The following STIM1 variants were observed in gnomAD, a reference collection of about 807,000 sequenced individuals.
STIM1 encodes the protein stromal interaction molecule 1.
Under a neutral mutation model 74.7 loss-of-function variants are expected in STIM1, and 25 were observed. The observed-to-expected ratio is 0.33, with a 90% confidence interval of 0.24 to 0.47. The LOEUF is 0.47. Ranked by LOEUF, STIM1 falls within the 20% of genes least tolerant of loss-of-function variation. The pLI is 1.00. For synonymous variants in STIM1, 328 were observed against 348.8 expected (o/e 0.94, Z 0.66); for missense variants, 728 against 920.8 (o/e 0.79, Z 2.71).
chr11:3,919,816 G>T (rs752922137), intron 1 of STIM1, among the ~76,000 whole-genome samples: 4 of 152,088 alleles, frequency 2.6e-5, no homozygotes, highest in Non-Finnish European at 5.9e-5. Flanking sequence ...GGTGGTACAG[G>T]CCTGTAATCC....
chr11:4,020,871 G>A (rs566753297), intron 2 of STIM1, among the ~76,000 whole-genome samples: 1 of 151,966 alleles, frequency 6.6e-6, no homozygotes, highest in South Asian at 2.1e-4. Flanking sequence ...CCAAAGTGCC[G>A]TGATTACAGG....
chr11:3,873,895 C>CTTGAGCATATCTAAT (rs1419856555), intron 1 of STIM1, among the ~76,000 whole-genome samples: 2 of 152,092 alleles, frequency 1.3e-5, no homozygotes, highest in Non-Finnish European at 2.9e-5. Flanking sequence ...ATTGGCTGAA[C>CTTGAGCATATCTAAT]TGTGTGAAGG....
intron 2 of STIM1, among the ~76,000 whole-genome samples, chr11:3,980,878 C>T (rs1477773652): frequency 4.6e-5 from 7 of 152,194 alleles, no homozygotes; most frequent in African/African-American, 1.7e-4. Flanking sequence ...AAACCTTTCC[C>T]CTTCCCCCTT....
At position 3,855,981 on chromosome 11, in the gene STIM1, C is replaced by T; in HGVS notation, c.-290C>T. On this transcript the variant is annotated 5_prime_UTR_variant, in exon 1 of 13. Coordinates refer to ENST00000526596, the MANE Select transcript of STIM1 (RefSeq NM_001382567.1). Reference sequence around the variant, plus strand: ...GTGTAGTAATCTGCGGAGCTGACAGCAGCCCCGCAGCCACCCTGCCCGAAG... The same window carrying T: ...GTGTAGTAATCTGCGGAGCTGACAGTAGCCCCGCAGCCACCCTGCCCGAAG... The T allele has an allele frequency of 4.2e-6, 2 of 480,938 alleles. No homozygotes were observed. Among genetic ancestry groups the T allele is most frequent in the Non-Finnish European group, 7.7e-6 (2 of 260,848 alleles). The allele number at this position is 480,938 out of a possible 1,614,324, so 29.8% of individuals were successfully genotyped here.
upstream of STIM1, chr11:3,854,752 G>T (rs3813879): frequency 0.75 from 113,402 of 152,050 alleles, 42,481 homozygotes; most frequent in African/African-American, 0.81. Context: ...AAAAAGGGCT[G>T]TGAGAGCTAA....
rs1428413195 is a variant in STIM1, at chr11:4,086,799, C to G, written c.1634+256C>G. On this transcript the variant is annotated intron_variant, in intron 12 of 12. Transcript: ENST00000526596. ...CTTCCTATTTCCTCCAGATGGAGCC[C>G]TACCCTGACACACCCCCTTCTGACA... is the stretch of plus-strand genomic sequence containing the variant. 2.0e-6 allele frequency: 3 copies of G among 1,536,592 alleles called. No homozygotes were observed. The South Asian group carries it at 3.6e-5, about 18-fold the overall frequency.
At chr11:3,891,365 C>T (rs545683588) in intron 1 of STIM1, among the ~76,000 whole-genome samples, 81 of 152,102 alleles carry the variant, frequency 5.3e-4, no homozygotes, top group African/African-American at 1.7e-3. Flanking sequence ...TCTCGGCTCA[C>T]TGCAACCTCT....
intron 1 of STIM1, among the ~76,000 whole-genome samples, chr11:3,916,318 G>A (rs112563625): frequency 0.019 from 2,888 of 151,216 alleles, 77 homozygotes; most frequent in African/African-American, 0.061. Flanking sequence ...ACAGAGTCTC[G>A]CTTTGTTGCC....
chr11:4,051,659 T>C (rs1235133966), intron 3 of STIM1, among the ~76,000 whole-genome samples: 1 of 152,080 alleles, frequency 6.6e-6, no homozygotes, highest in Non-Finnish European at 1.5e-5. Flanking sequence ...TCTTTTTTTA[T>C]CTGTTTTGCA....
At chr11:4,012,492 A>C (rs1348266035) in intron 2 of STIM1, among the ~76,000 whole-genome samples, 1 of 152,008 alleles carries the variant, frequency 6.6e-6, no homozygotes, top group East Asian at 1.9e-4. Context: ...AGTAATTGTG[A>C]ATGGGAGTTC....
At chr11:3,871,843 A>G (rs1322132358) in intron 1 of STIM1, among the ~76,000 whole-genome samples, 6 of 152,204 alleles carry the variant, frequency 3.9e-5, no homozygotes, top group African/African-American at 9.7e-5. Flanking sequence ...GGATAACAGA[A>G]TCTATCTTAC....
At chr11:3,891,671 T>C (rs2135379687) in intron 1 of STIM1, among the ~76,000 whole-genome samples, 1 of 152,270 alleles carries the variant, frequency 6.6e-6, no homozygotes, top group East Asian at 1.9e-4. Context: ...TTCATTTCAT[T>C]AAAAAAAGAA....
At chr11:3,958,968 A>C (rs2093253425) in intron 1 of STIM1, among the ~76,000 whole-genome samples, 1 of 139,782 alleles carries the variant, frequency 7.2e-6, no homozygotes, top group Admixed American at 7.2e-5. Flanking sequence ...AAAAAAAAAG[A>C]CTTTACATTT....
In STIM1 at chr11:3,856,038, C is replaced by T. The variant is rs1343131006; in HGVS notation, c.-233C>T. On this transcript the variant is annotated 5_prime_UTR_variant, in exon 1 of 13. Transcript: ENST00000526596. The stretch of plus-strand genomic sequence containing the variant: ...GAAGCGGCACGAGCTCAGGCCGCCG[C>T]AGCCCCGGCGGACCCACTGTTGGAC... 7.1e-6 allele frequency: 4 copies of T among 567,112 alleles called. No individual in the cohort carries two copies. In the Admixed American group the frequency reaches 9.1e-5, roughly 13 times the overall value. 35.1% of individuals were successfully genotyped at this position (567,112 alleles called of 1,614,324 possible). A position where few individuals can be genotyped will look rare whatever the true frequency, so the allele number is the denominator to read the frequency against.
intron 3 of STIM1, among the ~76,000 whole-genome samples, chr11:4,044,793 T>G (rs1280199543): frequency 6.6e-6 from 1 of 152,172 alleles, no homozygotes; most frequent in Non-Finnish European, 1.5e-5. Context: ...TTGGCCCCCT[T>G]GGCAACCCCG....
At chr11:3,970,661 CCAT>C (rs1173496276) in intron 2 of STIM1, among the ~76,000 whole-genome samples, 2 of 151,348 alleles carry the variant, frequency 1.3e-5, no homozygotes, top group Non-Finnish European at 2.9e-5. Context: ...ACAAAGCTAG[CCAT>C]CATCTCAAGT....
Position 3,993,799 on chromosome 11 carries a change from A to T in STIM1, c.270+26117A>T, listed in dbSNP as rs951222930. Reference sequence around the variant, plus strand: ...CTCCATTCCTGGCACCCAGATCTTCATTATGAATCACTTTTTAAAATAATT... The same window carrying T: ...CTCCATTCCTGGCACCCAGATCTTCTTTATGAATCACTTTTTAAAATAATT... On this transcript the variant is annotated intron_variant, in intron 2 of 12. Transcript: ENST00000526596. Among the ~76,000 whole-genome samples, 28 of 152,358 alleles carry T rather than the reference A, an allele frequency of 1.8e-4. 1 individual carries two copies. Among genetic ancestry groups the T allele is most frequent in the African/African-American group, 6.5e-4 (27 of 41,578 alleles).
chr11:3,946,145 T>C (rs2093070414), intron 1 of STIM1, among the ~76,000 whole-genome samples: 1 of 152,206 alleles, frequency 6.6e-6, no homozygotes, highest in South Asian at 2.1e-4. Context: ...CAGCAGGCGC[T>C]GGATAGGAAT....
chr11:3,898,119 T>C (rs370859375), intron 1 of STIM1, among the ~76,000 whole-genome samples: 11 of 152,076 alleles, frequency 7.2e-5, no homozygotes, highest in South Asian at 6.2e-4. Context: ...AACTAGTTTA[T>C]AGTCCCACCA....
Sources: gnomAD v4.1 joint callset for allele counts (sites outside exome capture counted in the v4.1 genomes callset) on GRCh38, gnomAD v4.1.1 for gene constraint, MANE v1.5 for transcripts, NCBI Gene and HGNC (gene_info 2026-07-23, HGNC 2026-07-21) for gene names.